The following CSTF3 variants were observed in gnomAD, a reference collection of about 807,000 sequenced individuals.
CSTF3 encodes the protein cleavage stimulation factor subunit 3, also known as CF-1 77 kDa subunit.
CSTF3 carries 29 observed loss-of-function variants against 105.8 expected under a neutral mutation model. The observed-to-expected ratio is 0.27, with a 90% CI of 0.20 to 0.37. The LOEUF is 0.37. Among genes scored for constraint, CSTF3 ranks in the 10% least tolerant of loss-of-function variants. The pLI is 1.00. For missense variants in CSTF3, 357 were observed against 879.3 expected (o/e 0.41, Z 7.51); for synonymous variants, 252 against 281.9 (o/e 0.89, Z 1.06).
At chr11:33,159,286 T>C (rs1286875954) in intron 1 of CSTF3, among the ~76,000 whole-genome samples, 2 of 152,030 alleles carry the variant, frequency 1.3e-5, no homozygotes, top group African/African-American at 4.8e-5. Flanking sequence ...GGTGAATTCC[T>C]GTCTCTACAA....
chr11:33,106,168 G>A lies in CSTF3; in HGVS notation c.357-104C>T, dbSNP rs982410310. 4 of 788,440 alleles carry A rather than the reference G, an allele frequency of 5.1e-6. No individual in the cohort carries two copies. The African/African-American group carries it at 5.3e-5, about 10-fold the overall frequency. 48.8% of individuals were successfully genotyped at this position (788,440 alleles called of 1,614,324 possible). ...CTCATGCCTGTAATCCCACTGCTTT[G>A]GGAGGCCGAGGCAGAAGGATCACTT... On this transcript the variant is annotated intron_variant, in intron 5 of 20. Coordinates refer to ENST00000323959, the MANE Select transcript of CSTF3 (RefSeq NM_001326.3).
intron 3 of CSTF3, among the ~76,000 whole-genome samples, chr11:33,118,294 G>GA (rs903344629): frequency 3.3e-5 from 5 of 151,708 alleles, no homozygotes; most frequent in African/African-American, 1.2e-4. Context: ...TTTCAGTCAA[G>GA]AATCTCAAAG....
chr11:33,096,291 C>G lies in CSTF3; in HGVS notation c.1375+15G>C, dbSNP rs1002416507. 1 of 1,440,492 alleles carries G rather than the reference C, an allele frequency of 6.9e-7. No homozygotes were observed. Among genetic ancestry groups the G allele is most frequent in the African/African-American group, 1.5e-5 (1 of 68,762 alleles). The allele number at this position is 1,440,492 out of a possible 1,614,324, so 89.2% of individuals were successfully genotyped here. A position where few individuals can be genotyped will look rare whatever the true frequency, so the allele number is the denominator to read the frequency against. On this transcript the variant is annotated intron_variant, in intron 15 of 20. Transcript: ENST00000323959. ...TAATATTAAGTAATCATTATAGATT[C>G]TAGAATCAACCTACCATTGAGGTGA...
chr11:33,099,106 T>A lies in CSTF3; in HGVS notation c.981A>T (p.Ile327=). Residue 327 remains isoleucine (I), a synonymous_variant, in exon 12 of 21, where the codon ATA becomes ATT. Coordinates refer to ENST00000323959, the MANE Select transcript of CSTF3 (RefSeq NM_001326.3). The surrounding 1 kb of genome is among the most constrained non-coding windows in gnomAD (Gnocchi z 4.1). ...ATAAAGTGCTTATGGCTCTTTCATA[T>A]ATATTAGCAGCTTCATCACTAAATA... is the stretch of plus-strand genomic sequence containing the variant. The part of the protein sequence containing the change: ...AKLFSDEAAN[I]YERAISTLLK... The A allele has an allele frequency of 6.3e-7, 1 of 1,583,710 alleles. No homozygotes were observed. Among genetic ancestry groups the A allele is most frequent in the Non-Finnish European group, 8.5e-7 (1 of 1,173,904 alleles).
intron 1 of CSTF3, among the ~76,000 whole-genome samples, chr11:33,152,923 A>C (rs1590289684): frequency 1.3e-5 from 2 of 151,876 alleles, no homozygotes; most frequent in African/African-American, 4.8e-5. Context: ...GCACCACTGC[A>C]CTCCAGCCTG....
chr11:33,132,286 A>G (rs922815273), intron 3 of CSTF3, among the ~76,000 whole-genome samples: 1 of 152,220 alleles, frequency 6.6e-6, no homozygotes, highest in African/African-American at 2.4e-5. Flanking sequence ...CTGTTACAGT[A>G]ACACAGTAAG....
At position 33,149,446 on chromosome 11, in the gene CSTF3, C is replaced by T. The variant is rs993245400; in HGVS notation, c.28-7460G>A. ...AGCTATGAACCACTTGGGTAGCCAACGCTGAGAGTGAAGCATTTTTGTTTT... is the reference window on the plus strand; with the variant it reads ...AGCTATGAACCACTTGGGTAGCCAATGCTGAGAGTGAAGCATTTTTGTTTT... On this transcript the variant is annotated intron_variant, in intron 1 of 20. Coordinates refer to ENST00000323959, the MANE Select transcript of CSTF3 (RefSeq NM_001326.3). Among the ~76,000 whole-genome samples, 8 of 152,178 alleles carry T rather than the reference C, an allele frequency of 5.3e-5. No homozygotes were observed. In the South Asian group the frequency reaches 1.0e-3, roughly 20 times the overall value.
At chr11:33,151,507 GT>G (rs1486982118) in intron 1 of CSTF3, among the ~76,000 whole-genome samples, 4 of 151,938 alleles carry the variant, frequency 2.6e-5, no homozygotes, top group African/African-American at 9.7e-5. Flanking sequence ...TTCAGTTAGC[GT>G]GTTTTCAAAG....
intron 18 of CSTF3, among the ~76,000 whole-genome samples, chr11:33,086,314 T>A (rs1254175842): frequency 6.6e-6 from 1 of 152,260 alleles, no homozygotes; most frequent in African/African-American, 2.4e-5. Flanking sequence ...ACAGTGTATT[T>A]AATCAGAAGG....
In CSTF3 at chr11:33,084,811, A is replaced by C. The variant is rs1855085648; in HGVS notation, c.*276T>G. ...TCACAAATCTTCAAGCGGCACATAC[A>C]AGACACCCTTGAAGAGGGAACAAAA... On this transcript the variant is annotated 3_prime_UTR_variant, in exon 21 of 21. Transcript: ENST00000323959. 2.3e-6 allele frequency: 1 copy of C among 438,910 alleles called. No homozygotes were observed. The highest frequency in any genetic ancestry group is 4.0e-5 in the Admixed American group (1 of 25,148). The allele number at this position is 438,910 out of a possible 1,614,324, so 27.2% of individuals were successfully genotyped here. A position where few individuals can be genotyped will look rare whatever the true frequency, so the allele number is the denominator to read the frequency against.
intron 1 of CSTF3, among the ~76,000 whole-genome samples, chr11:33,160,651 CA>C (rs1565024253): frequency 6.6e-6 from 1 of 152,152 alleles, no homozygotes; most frequent in East Asian, 1.9e-4. Context: ...AGTTGTCACT[CA>C]TATTTACTAT....
chr11:33,160,128 A>T (rs767693348), intron 1 of CSTF3, among the ~76,000 whole-genome samples: 1 of 151,910 alleles, frequency 6.6e-6, no homozygotes, highest in Admixed American at 6.6e-5. Context: ...AGGGGTAAAC[A>T]GTTTTGATAC....
At chr11:33,148,578 C>T (rs574450611) in intron 1 of CSTF3, among the ~76,000 whole-genome samples, 17 of 149,976 alleles carry the variant, frequency 1.1e-4, no homozygotes, top group African/African-American at 3.6e-4. Flanking sequence ...TGCCTGTAGT[C>T]TCACACACTC....
At chr11:33,091,561 ACAC>A (rs769005261) in intron 16 of CSTF3, among the ~76,000 whole-genome samples, 21 of 152,350 alleles carry the variant, frequency 1.4e-4, no homozygotes, top group Middle Eastern at 6.8e-3. Flanking sequence ...GGTAAAACTA[ACAC>A]GAGACAAAAC....
chr11:33,100,070 CT>C (rs1174144087), intron 10 of CSTF3, among the ~76,000 whole-genome samples: 2 of 151,822 alleles, frequency 1.3e-5, no homozygotes, highest in African/African-American at 4.8e-5. Flanking sequence ...TTTTAAAAAT[CT>C]TGTGGCCAGG....
intron 3 of CSTF3, among the ~76,000 whole-genome samples, chr11:33,138,977 C>T (rs1346918996): frequency 1.3e-5 from 2 of 151,840 alleles, no homozygotes; most frequent in Non-Finnish European, 3.0e-5. Context: ...GTGACAAATT[C>T]AGAATGACAT....
intron 3 of CSTF3, among the ~76,000 whole-genome samples, chr11:33,131,317 A>T (rs1420556237): frequency 6.6e-6 from 1 of 152,216 alleles, no homozygotes; most frequent in East Asian, 1.9e-4. Flanking sequence ...GAGTAGCTAT[A>T]CATAATCCAT....
intron 1 of CSTF3, chr11:33,156,837 T>G (rs1306060282): frequency 5.5e-6 from 2 of 364,768 alleles, no homozygotes; most frequent in South Asian, 4.3e-5. Context: ...TTTTAAAAGA[T>G]GCAAACTTAA....
rs138904455 is a variant in CSTF3, at chr11:33,123,073, T to C, written c.226-14655A>G. Among the ~76,000 whole-genome samples the C allele has an allele frequency of 2.1e-3, 321 of 151,708 alleles. 3 individuals carry two copies. Among genetic ancestry groups the C allele is most frequent in the African/African-American group, 6.8e-3 (282 of 41,384 alleles). On this transcript the variant is annotated intron_variant, in intron 3 of 20. Transcript: ENST00000323959. ...ACAATGAGAAAAACAGGTAAAGCAA[T>C]AAATGTAACACATTATTTAAATGTT...
Sources: allele counts gnomAD v4.1 joint callset (sites outside exome capture counted in the v4.1 genomes callset), GRCh38; gene constraint gnomAD v4.1.1; non-coding constraint Gnocchi (gnomAD v3.1); transcripts MANE v1.5; gene names NCBI Gene and HGNC (gene_info 2026-07-23, HGNC 2026-07-21).